The following SULT1B1 variants were observed in gnomAD, a reference collection of about 807,000 sequenced individuals.
SULT1B1 encodes the protein sulfotransferase family 1B member 1.
A neutral mutation model predicts 34.6 loss-of-function variants in SULT1B1; 28 were observed. The ratio of observed to expected loss-of-function variants is 0.81; its 90% CI spans 0.60 to 1.11. SULT1B1 has a LOEUF of 1.11. Ranked by LOEUF, SULT1B1 falls within the 50% of genes least tolerant of loss-of-function variation. The pLI is 0.00. For synonymous variants in SULT1B1, 147 were observed against 110.2 expected (o/e 1.33, Z -2.09); for missense variants, 374 against 352.2 (o/e 1.06, Z -0.50).
chr4:69,754,019 T>C (rs1362505648), intron 3 of SULT1B1, among the ~76,000 whole-genome samples: 3 of 152,208 alleles, frequency 2.0e-5, no homozygotes, highest in Non-Finnish European at 2.9e-5. Context: ...GATTTGTGAA[T>C]TGTCCTTTGC....
rs1717829098 is a variant in SULT1B1 at position 69,726,080 on chromosome 4, A to G, written c.*1008T>C. 8.5e-6 allele frequency: 1 copy of G among 118,124 alleles called. No homozygotes were observed. The highest frequency in any genetic ancestry group is 3.1e-5 in the African/African-American group (1 of 31,820). The allele number at this position is 118,124 out of a possible 1,614,324, so 7.3% of individuals were successfully genotyped here. A position where few individuals can be genotyped will look rare whatever the true frequency, so the allele number is the denominator to read the frequency against. On this transcript the variant is annotated 3_prime_UTR_variant, in exon 8 of 8. Coordinates refer to ENST00000310613, the MANE Select transcript of SULT1B1 (RefSeq NM_014465.4). ...TATATATATATATATATATATATAT[A>G]TAAATGTTCCAAGAAAACATAGATC... is the stretch of plus-strand genomic sequence containing the variant.
intron 6 of SULT1B1, among the ~76,000 whole-genome samples, chr4:69,731,440 A>G (rs555959751): frequency 1.3e-5 from 2 of 152,306 alleles, no homozygotes; most frequent in South Asian, 2.1e-4. Context: ...CCTGGTGCCA[A>G]AAATGCTGGG....
intron 1 of SULT1B1, among the ~76,000 whole-genome samples, chr4:69,758,925 G>T (rs1262036505): frequency 2.0e-5 from 3 of 152,198 alleles, no homozygotes; most frequent in Non-Finnish European, 4.4e-5. Flanking sequence ...TTAACGGAGA[G>T]CTTGTTGGAA....
chr4:69,739,913 C>T (rs571534047), intron 4 of SULT1B1, among the ~76,000 whole-genome samples: 1 of 152,186 alleles, frequency 6.6e-6, no homozygotes, highest in Admixed American at 6.5e-5. Flanking sequence ...CAGTTCCCAA[C>T]AAGTTCCTCT....
In SULT1B1 at chr4:69,723,061, C is replaced by CA. The variant is rs1415426944; in HGVS notation, c.*4026dup. ...GGAGACAAAGACACAAAAACCCCTT[C>CA]AAAAAATCAGTGAATTCAGGAGCTG... On this transcript the variant is annotated 3_prime_UTR_variant, in exon 8 of 8. Transcript: ENST00000310613. The CA allele has an allele frequency of 1.3e-5, 2 of 151,856 alleles. No individual in the cohort carries two copies. Among genetic ancestry groups the CA allele is most frequent in the Non-Finnish European group, 2.9e-5 (2 of 67,956 alleles). The allele number at this position is 151,856 out of a possible 1,614,324, so 9.4% of individuals were successfully genotyped here.
Position 69,724,511 on chromosome 4 carries a change from G to GA in SULT1B1, c.*2576dup, listed in dbSNP as rs1208017806. The GA allele has an allele frequency of 1.3e-5, 2 of 152,148 alleles. No homozygotes were observed. Among genetic ancestry groups the GA allele is most frequent in the African/African-American group, 2.4e-5 (1 of 41,522 alleles). 9.4% of individuals were successfully genotyped at this position (152,148 alleles called of 1,614,324 possible). On this transcript the variant is annotated 3_prime_UTR_variant, in exon 8 of 8. Transcript: ENST00000310613. ...ACCAATGACTTTCTTCACAGAATTG[G>GA]AAAAAACTACTTTAAAGTTCATAAG...
At chr4:69,758,577 G>C (rs762318467) in intron 1 of SULT1B1, 3 of 612,360 alleles carry the variant, frequency 4.9e-6, no homozygotes, top group African/African-American at 4.0e-5. Flanking sequence ...CTATTCATCG[G>C]CTCCAGAATG....
At chr4:69,751,523 T>C (rs1247734652) in intron 3 of SULT1B1, among the ~76,000 whole-genome samples, 2 of 151,958 alleles carry the variant, frequency 1.3e-5, no homozygotes, top group Non-Finnish European at 2.9e-5. Flanking sequence ...GCGATCTCAG[T>C]TCACTGCAAG....
chr4:69,735,156 T>C lies in SULT1B1; in HGVS notation c.376-892A>G, dbSNP rs544159065. Among the ~76,000 whole-genome samples, 36 of 152,158 alleles carry C rather than the reference T, an allele frequency of 2.4e-4. 1 individual carries two copies. Among genetic ancestry groups the C allele is most frequent in the African/African-American group, 7.2e-4 (30 of 41,496 alleles). On this transcript the variant is annotated intron_variant, in intron 4 of 7. Transcript: ENST00000310613. ...ATGTCACTAAAGCCCTGGAAATTAT[T>C]CAACTTACAATGATACAAGAACTCC...
At chr4:69,749,196 A>G (rs570048420) in intron 4 of SULT1B1, among the ~76,000 whole-genome samples, 1 of 152,282 alleles carries the variant, frequency 6.6e-6, no homozygotes, top group East Asian at 1.9e-4. Context: ...CGTTAAAATA[A>G]TAATGAGTAT....
At chr4:69,744,690 A>AT (rs1386272193) in intron 4 of SULT1B1, among the ~76,000 whole-genome samples, 4 of 151,686 alleles carry the variant, frequency 2.6e-5, no homozygotes, top group Admixed American at 6.6e-5. Context: ...GTTTTTGTTG[A>AT]TTTTTTTGTC....
At chr4:69,728,697 T>C (rs1271197353) in intron 7 of SULT1B1, among the ~76,000 whole-genome samples, 3 of 151,974 alleles carry the variant, frequency 2.0e-5, no homozygotes, top group Admixed American at 1.3e-4. Flanking sequence ...CTATTTAGAC[T>C]AATAATGCTT....
chr4:69,747,370 G>T (rs1219556910), intron 4 of SULT1B1, among the ~76,000 whole-genome samples: 2 of 152,192 alleles, frequency 1.3e-5, no homozygotes, highest in Non-Finnish European at 2.9e-5. Flanking sequence ...GTTAGGGGCT[G>T]CTGGCTGAAG....
rs983562760 is a variant in SULT1B1, at chr4:69,725,521, G to C, written c.*1567C>G. 1 of 152,094 alleles carries C rather than the reference G, an allele frequency of 6.6e-6. No homozygotes were observed. The highest frequency in any genetic ancestry group is 1.5e-5 in the Non-Finnish European group (1 of 68,030). 9.4% of individuals were successfully genotyped at this position (152,094 alleles called of 1,614,324 possible). On this transcript the variant is annotated 3_prime_UTR_variant, in exon 8 of 8. Coordinates refer to ENST00000310613, the MANE Select transcript of SULT1B1 (RefSeq NM_014465.4). ...TTTGACCCAGCCATCCCATTACTGG[G>C]TATATACCCAAAGGATTATAAATCA...
intron 4 of SULT1B1, among the ~76,000 whole-genome samples, chr4:69,744,533 G>T (rs1718677944): frequency 6.6e-6 from 1 of 152,208 alleles, no homozygotes; most frequent in South Asian, 2.1e-4. Flanking sequence ...GACTATAAAG[G>T]TGTTCCTAGC....
chr4:69,730,493 G>A lies in SULT1B1; in HGVS notation c.778+8C>T, dbSNP rs762636607. The stretch of plus-strand genomic sequence containing the variant: ...CGAAAGGGAAATTAAACCCAGCAAA[G>A]TATTTACCTTTACGCATAAAAGGGG... On this transcript the variant is annotated splice_region_variant and intron_variant, in intron 7 of 7. Coordinates refer to ENST00000310613, the MANE Select transcript of SULT1B1 (RefSeq NM_014465.4). The A allele has an allele frequency of 1.9e-6, 3 of 1,594,664 alleles. No homozygotes were observed. Among genetic ancestry groups the A allele is most frequent in the South Asian group, 2.2e-5 (2 of 90,074 alleles).
At chr4:69,745,560 A>G (rs1212660691) in intron 4 of SULT1B1, among the ~76,000 whole-genome samples, 1 of 152,156 alleles carries the variant, frequency 6.6e-6, no homozygotes, top group Non-Finnish European at 1.5e-5. Context: ...TGCTTGATAT[A>G]TATTTCTCCA....
intron 6 of SULT1B1, among the ~76,000 whole-genome samples, chr4:69,732,108 A>G (rs568591092): frequency 6.6e-6 from 1 of 152,226 alleles, no homozygotes; most frequent in Non-Finnish European, 1.5e-5. Flanking sequence ...CTCAAGAGAC[A>G]TATCACTTTG....
chr4:69,746,119 C>T (rs1055460510), intron 4 of SULT1B1, among the ~76,000 whole-genome samples: 7 of 152,192 alleles, frequency 4.6e-5, no homozygotes, highest in East Asian at 1.9e-4. Flanking sequence ...CTGCCCCTTT[C>T]GCTAGCTGTC....
Sources: gnomAD v4.1 joint callset for allele counts (sites outside exome capture counted in the v4.1 genomes callset) on GRCh38, gnomAD v4.1.1 for gene constraint, MANE v1.5 for transcripts, NCBI Gene and HGNC (gene_info 2026-07-23, HGNC 2026-07-21) for gene names.